Variants in RAB7A observed in about 807,000 individuals in gnomAD.
RAB7A encodes ras-related protein Rab-7a.
RAB7A carries 2 observed loss-of-function variants against 24.5 expected under a neutral mutation model. The ratio of observed to expected loss-of-function variants is 0.08; its 90% confidence interval spans 0.03 to 0.26. The LOEUF is 0.26. RAB7A is among the 10% of genes least tolerant of loss of function. The probability of loss-of-function intolerance (pLI) is 1.00; values close to 1 mark genes in which losing one functional copy is unlikely to be tolerated. For missense variants in RAB7A, 118 were observed against 255.7 expected (o/e 0.46, Z 3.67); for synonymous variants, 100 against 95.9 (o/e 1.04, Z -0.25).
intron 1 of RAB7A, among the ~76,000 whole-genome samples, chr3:128,758,255 C>G (rs903448797): frequency 1.3e-5 from 2 of 150,734 alleles, no homozygotes; most frequent in East Asian, 3.9e-4. Flanking sequence ...TGAGCCACCA[C>G]CCCAGTGTTT....
At chr3:128,747,926 C>T (rs530254219) in intron 1 of RAB7A, among the ~76,000 whole-genome samples, 1 of 151,764 alleles carries the variant, frequency 6.6e-6, no homozygotes, top group African/African-American at 2.4e-5. Context: ...TGCCACCACG[C>T]CCAGCTAATT....
At chr3:128,805,031 C>T (rs1260535651) in intron 3 of RAB7A, among the ~76,000 whole-genome samples, 1 of 152,116 alleles carries the variant, frequency 6.6e-6, no homozygotes, top group Non-Finnish European at 1.5e-5. Flanking sequence ...GGAGTGCAGT[C>T]TAGGATTTCA....
intron 1 of RAB7A, among the ~76,000 whole-genome samples, chr3:128,757,778 A>G (rs2070742203): frequency 6.6e-6 from 1 of 152,140 alleles, no homozygotes; most frequent in Non-Finnish European, 1.5e-5. Flanking sequence ...TCAGCCTCCC[A>G]GAGTGCTGGG....
chr3:128,794,768 G>A (rs1933531529), intron 1 of RAB7A, among the ~76,000 whole-genome samples: 1 of 152,134 alleles, frequency 6.6e-6, no homozygotes, highest in Non-Finnish European at 1.5e-5. Context: ...GAGCTGCAGA[G>A]TCAAGTATTC....
At chr3:128,774,518 A>G (rs1019012081) in intron 1 of RAB7A, among the ~76,000 whole-genome samples, 4 of 150,988 alleles carry the variant, frequency 2.6e-5, no homozygotes, top group African/African-American at 7.3e-5. Flanking sequence ...CTGGAGTGCA[A>G]TGGAGCAATC....
At chr3:128,759,540 T>G (rs781584260) in intron 1 of RAB7A, among the ~76,000 whole-genome samples, 2 of 152,244 alleles carry the variant, frequency 1.3e-5, no homozygotes, top group Non-Finnish European at 2.9e-5. Flanking sequence ...TTTGCAGGAA[T>G]GTAGCTTTTG....
At chr3:128,808,713 T>C (rs1933856126) in intron 5 of RAB7A, among the ~76,000 whole-genome samples, 1 of 152,166 alleles carries the variant, frequency 6.6e-6, no homozygotes, top group Non-Finnish European at 1.5e-5. Context: ...AGACAGTGTC[T>C]GGGGGTGGTC....
chr3:128,774,159 T>C (rs2107602287), intron 1 of RAB7A, among the ~76,000 whole-genome samples: 1 of 145,104 alleles, frequency 6.9e-6, no homozygotes, highest in East Asian at 2.0e-4. Context: ...GGTCTATCTA[T>C]ATATTCCCCT....
At chr3:128,789,750 T>A (rs528622281) in intron 1 of RAB7A, among the ~76,000 whole-genome samples, 24 of 152,190 alleles carry the variant, frequency 1.6e-4, no homozygotes, top group African/African-American at 5.8e-4. Flanking sequence ...CTTGGGCAGC[T>A]TCTTGTAGCA....
intron 3 of RAB7A, chr3:128,798,271 G>A (rs893906192): frequency 9.6e-6 from 5 of 522,780 alleles, no homozygotes; most frequent in African/African-American, 5.8e-5. Context: ...TCTCAGATAC[G>A]ACTTGCTAAG....
intron 1 of RAB7A, among the ~76,000 whole-genome samples, chr3:128,771,677 A>G (rs1932936935): frequency 1.3e-5 from 2 of 152,226 alleles, no homozygotes; most frequent in Admixed American, 1.3e-4. Flanking sequence ...TTGTACAGCT[A>G]ATATTAAGTC....
chr3:128,772,004 A>G (rs762880882), intron 1 of RAB7A, among the ~76,000 whole-genome samples: 9 of 152,250 alleles, frequency 5.9e-5, no homozygotes, highest in Non-Finnish European at 1.3e-4. Context: ...TAGTTTTCAA[A>G]AAGGGTAAGA....
chr3:128,746,896 GAT>G (rs1576274111), intron 1 of RAB7A, among the ~76,000 whole-genome samples: 1 of 151,682 alleles, frequency 6.6e-6, no homozygotes, highest in Admixed American at 6.6e-5. Context: ...TGAGGTGATA[GAT>G]ATATGTTAGT....
chr3:128,748,831 G>A (rs1355832571), intron 1 of RAB7A: 1 of 152,196 alleles, frequency 6.6e-6, no homozygotes, highest in African/African-American at 2.4e-5. Flanking sequence ...TGTAATTCCC[G>A]TAACATATCT....
chr3:128,798,405 C>T (rs1933621513), intron 3 of RAB7A: 1 of 305,608 alleles, frequency 3.3e-6, no homozygotes, highest in Non-Finnish European at 6.4e-6. Flanking sequence ...CCTCTCTTGA[C>T]ATCCTTGCCC....
At chr3:128,742,389 C>A (rs574883257) in intron 1 of RAB7A, among the ~76,000 whole-genome samples, 10 of 152,138 alleles carry the variant, frequency 6.6e-5, no homozygotes, top group African/African-American at 2.4e-4. Flanking sequence ...GGGACCCGAG[C>A]GGGTTGCCCA....
chr3:128,763,278 G>A (rs1232157351), intron 1 of RAB7A, among the ~76,000 whole-genome samples: 9 of 141,488 alleles, frequency 6.4e-5, no homozygotes, highest in Non-Finnish European at 1.2e-4. Flanking sequence ...GTAGTGGCGC[G>A]ATCTCAGCTC....
chr3:128,769,046 C>A (rs1446868648), intron 1 of RAB7A, among the ~76,000 whole-genome samples: 1 of 146,020 alleles, frequency 6.8e-6, no homozygotes, highest in African/African-American at 2.6e-5. Flanking sequence ...GTGTACACCA[C>A]CACACCCAGC....
At chr3:128,730,448 T>C (rs1008096279) in intron 1 of RAB7A, among the ~76,000 whole-genome samples, 12 of 152,162 alleles carry the variant, frequency 7.9e-5, no homozygotes, top group African/African-American at 2.9e-4. Context: ...CAGATTGGTC[T>C]TGATCTCCTG....
Sources: gnomAD v4.1 joint callset for allele counts (sites outside exome capture counted in the v4.1 genomes callset) on GRCh38, gnomAD v4.1.1 for gene constraint, MANE v1.5 for transcripts, NCBI Gene and HGNC (gene_info 2026-07-23, HGNC 2026-07-21) for gene names.